Variants in ASTN1 observed in about 807,000 individuals in gnomAD.
ASTN1 encodes the protein astrotactin 1.
ASTN1 carries 41 observed loss-of-function variants against 140.7 expected under a neutral mutation model. The observed-to-expected ratio is 0.29, with a 90% CI of 0.23 to 0.38. The LOEUF is 0.38. Among genes scored for constraint, ASTN1 ranks in the 10% least tolerant of loss-of-function variants. ASTN1 has a pLI of 1.00. For synonymous variants in ASTN1, 640 were observed against 652.2 expected (o/e 0.98, Z 0.29); for missense variants, 1,479 against 1,678.8 (o/e 0.88, Z 2.08).
intron 17 of ASTN1, among the ~76,000 whole-genome samples, chr1:176,888,789 C>T (rs977772496): frequency 2.0e-5 from 3 of 152,212 alleles, no homozygotes; most frequent in Non-Finnish European, 4.4e-5. Context: ...AAGAGCTGGG[C>T]TCTGGAGCTG....
intron 1 of ASTN1, among the ~76,000 whole-genome samples, chr1:177,092,316 G>C (rs991441408): frequency 6.6e-6 from 1 of 152,114 alleles, no homozygotes; most frequent in Admixed American, 6.6e-5. Flanking sequence ...AGAAATGTCT[G>C]TTCAAATCTT....
intron 1 of ASTN1, among the ~76,000 whole-genome samples, chr1:177,152,572 T>C (rs1414306618): frequency 6.6e-6 from 1 of 151,902 alleles, no homozygotes; most frequent in Non-Finnish European, 1.5e-5. Flanking sequence ...GCAGTCAAGA[T>C]TTGAACAAAT....
intron 8 of ASTN1, among the ~76,000 whole-genome samples, chr1:176,993,982 T>C (rs181866878): frequency 3.0e-4 from 45 of 152,280 alleles, no homozygotes; most frequent in Admixed American, 1.4e-3. Flanking sequence ...TTGATCCATA[T>C]CAGTGACTCA....
intron 22 of ASTN1, 131 bp from the exon 23 acceptor site, chr1:176,864,652 T>G (rs1220146910): frequency 4.5e-6 from 6 of 1,336,006 alleles, no homozygotes; most frequent in Non-Finnish European, 5.0e-6. Flanking sequence ...TATTTTATCT[T>G]TGGCACTTGG....
intron 11 of ASTN1, among the ~76,000 whole-genome samples, chr1:176,951,003 A>G (rs561888781): frequency 1.3e-5 from 2 of 152,104 alleles, no homozygotes; most frequent in African/African-American, 4.8e-5. Flanking sequence ...CCTCTTTCTT[A>G]GTTGAAGATC....
At chr1:177,038,068 G>A (rs1676810209) in intron 2 of ASTN1, among the ~76,000 whole-genome samples, 1 of 152,176 alleles carries the variant, frequency 6.6e-6, no homozygotes, top group Non-Finnish European at 1.5e-5. Context: ...AAAATTCTAA[G>A]CAGATCTCTC....
At chr1:177,090,193 T>C (rs1679679221) in intron 1 of ASTN1, among the ~76,000 whole-genome samples, 2 of 151,872 alleles carry the variant, frequency 1.3e-5, no homozygotes, top group South Asian at 4.2e-4. Context: ...TATCCTGGAA[T>C]GAGGGATCTC....
chr1:176,918,989 A>G (rs1219012951), intron 16 of ASTN1, among the ~76,000 whole-genome samples: 1 of 152,212 alleles, frequency 6.6e-6, no homozygotes, highest in Non-Finnish European at 1.5e-5. Context: ...ACATCTTGGC[A>G]TAAGTGCTAC....
chr1:176,882,251 C>A (rs1422433403), intron 20 of ASTN1, among the ~76,000 whole-genome samples: 1 of 152,260 alleles, frequency 6.6e-6, no homozygotes, highest in Admixed American at 6.5e-5. Flanking sequence ...TTGGAGCTAG[C>A]TAGCTTTCTA....
chr1:177,140,611 G>A (rs1682421089), intron 1 of ASTN1, among the ~76,000 whole-genome samples: 1 of 152,186 alleles, frequency 6.6e-6, no homozygotes, highest in Non-Finnish European at 1.5e-5. Flanking sequence ...GTCCATGTGT[G>A]TATAGCTAAC....
intron 8 of ASTN1, among the ~76,000 whole-genome samples, chr1:176,985,135 C>T (rs980495892): frequency 6.6e-6 from 1 of 152,210 alleles, no homozygotes; most frequent in East Asian, 1.9e-4. Flanking sequence ...GGAGAAGTCA[C>T]CTGTTCCGTG....
intron 8 of ASTN1, among the ~76,000 whole-genome samples, chr1:177,002,493 G>C (rs228015): frequency 0.6 from 90,323 of 151,642 alleles, 27,697 homozygotes; most frequent in African/African-American, 0.71. Context: ...ATAAAACCAG[G>C]AGTATGAGCA....
intron 22 of ASTN1, among the ~76,000 whole-genome samples, chr1:176,865,277 G>T (rs776105920): frequency 6.6e-6 from 1 of 152,204 alleles, no homozygotes; most frequent in Non-Finnish European, 1.5e-5. Flanking sequence ...AGGACAGCAA[G>T]GTGCCCCAAG....
chr1:176,903,375 G>C (rs9659386), intron 16 of ASTN1, among the ~76,000 whole-genome samples: 42,664 of 151,538 alleles, frequency 0.28, 7,598 homozygotes, highest in East Asian at 0.63. Flanking sequence ...CTGGTACTTT[G>C]TGCCTGAGTC....
At chr1:176,969,646 C>A (rs1016263525) in intron 8 of ASTN1, among the ~76,000 whole-genome samples, 2 of 152,086 alleles carry the variant, frequency 1.3e-5, no homozygotes, top group East Asian at 3.9e-4. Context: ...ACTAGGCCAT[C>A]GAGGAGCCCA....
intron 2 of ASTN1, among the ~76,000 whole-genome samples, chr1:177,053,954 T>C (rs1677670171): frequency 6.6e-6 from 1 of 152,204 alleles, no homozygotes; most frequent in African/African-American, 2.4e-5. Context: ...CTAGTGCTTG[T>C]AGCGTTATTA....
At chr1:176,902,416 A>G (rs1669807372) in intron 16 of ASTN1, among the ~76,000 whole-genome samples, 1 of 150,918 alleles carries the variant, frequency 6.6e-6, no homozygotes, top group South Asian at 2.1e-4. Context: ...GCTTTTTAAA[A>G]ATTGATCGAT....
chr1:177,041,333 T>C (rs1247507449), intron 2 of ASTN1, among the ~76,000 whole-genome samples: 1 of 152,186 alleles, frequency 6.6e-6, no homozygotes, highest in African/African-American at 2.4e-5. Flanking sequence ...GCCCCACATA[T>C]AACCCATGTG....
intron 1 of ASTN1, among the ~76,000 whole-genome samples, chr1:177,133,332 G>C (rs1421020164): frequency 6.6e-6 from 1 of 152,218 alleles, no homozygotes. Flanking sequence ...GGTCTGTCTA[G>C]ATGCAAAGCC....
Sources: allele counts gnomAD v4.1 joint callset (sites outside exome capture counted in the v4.1 genomes callset), GRCh38; gene constraint gnomAD v4.1.1; transcripts MANE v1.5; gene names NCBI Gene and HGNC (gene_info 2026-07-23, HGNC 2026-07-21).